The following ADCY8 variants were observed in gnomAD, a reference collection of about 807,000 sequenced individuals.
ADCY8 encodes adenylate cyclase 8.
In ADCY8, 51 loss-of-function variants were observed where a neutral mutation model predicts 119.7. That is an observed-to-expected ratio of 0.43 (90% CI 0.34 to 0.54). The LOEUF is 0.54. Among genes scored for constraint, ADCY8 ranks in the 20% least tolerant of loss-of-function variants. The pLI, the probability that ADCY8 is intolerant of heterozygous loss-of-function variation, is 0.03. For synonymous variants in ADCY8, 665 were observed against 651.0 expected (o/e 1.02, Z -0.33); for missense variants, 1,383 against 1,598.8 (o/e 0.87, Z 2.30).
At chr8:131,010,439 T>C (rs1382853169) in intron 1 of ADCY8, among the ~76,000 whole-genome samples, 1 of 152,180 alleles carries the variant, frequency 6.6e-6, no homozygotes, top group Non-Finnish European at 1.5e-5. Flanking sequence ...CAAAGTAACA[T>C]ATTATAATGC....
chr8:130,943,301 G>T, intron 4 of ADCY8, 50 bp downstream of exon 4: 1 of 1,286,456 alleles, frequency 7.8e-7, no homozygotes, highest in Non-Finnish European at 1.1e-6. Flanking sequence ...TATTCCATAT[G>T]CAGTCCCTCA....
At chr8:130,951,842 C>T (rs186756487) in intron 3 of ADCY8, 26 bp downstream of exon 3, 322 of 1,612,612 alleles carry the variant, frequency 2.0e-4, no homozygotes, top group Admixed American at 3.3e-4. Context: ...ATGCAAGAGC[C>T]GGGGCAAGGG....
chr8:130,988,139 A>T (rs1333542312), intron 2 of ADCY8, among the ~76,000 whole-genome samples: 1 of 152,226 alleles, frequency 6.6e-6, no homozygotes, highest in African/African-American at 2.4e-5. Flanking sequence ...AATCCAGGGC[A>T]ATCTCATTTG....
At chr8:130,813,093 G>A (rs372036507) in intron 14 of ADCY8, among the ~76,000 whole-genome samples, 2 of 151,868 alleles carry the variant, frequency 1.3e-5, no homozygotes, top group African/African-American at 2.4e-5. Flanking sequence ...GATTACAGGC[G>A]CCTGCCCCCA....
intron 12 of ADCY8, among the ~76,000 whole-genome samples, chr8:130,831,556 G>A (rs547599758): frequency 6.6e-6 from 1 of 152,186 alleles, no homozygotes; most frequent in Admixed American, 6.6e-5. Context: ...GGATATATGT[G>A]CAGAAGCTCA....
chr8:130,900,189 G>T (rs1819548896), intron 7 of ADCY8, among the ~76,000 whole-genome samples: 1 of 152,134 alleles, frequency 6.6e-6, no homozygotes, highest in Non-Finnish European at 1.5e-5. Flanking sequence ...GCAAAACTTG[G>T]ATACCAGAAT....
Position 130,819,357 on chromosome 8 carries a change from C to T in ADCY8, c.2754+1985G>A, listed in dbSNP as rs565856394. On this transcript the variant is annotated intron_variant, in intron 13 of 17. Transcript: ENST00000286355. The stretch of plus-strand genomic sequence containing the variant: ...GACCCTCACTGAATACTTACATACC[C>T]GTACTTTACCTATAATCTTAATGCA... 4.6e-5 allele frequency among the ~76,000 whole-genome samples: 7 copies of T among 152,272 alleles called. No homozygotes were observed. The East Asian group carries it at 5.8e-4, about 13-fold the overall frequency.
chr8:130,926,772 C>T (rs1342612213), intron 5 of ADCY8, among the ~76,000 whole-genome samples: 1 of 152,120 alleles, frequency 6.6e-6, no homozygotes, highest in East Asian at 1.9e-4. Flanking sequence ...CTGATAATCA[C>T]CACCTCTACT....
intron 10 of ADCY8, among the ~76,000 whole-genome samples, 198 bp from the exon 11 acceptor site, chr8:130,847,711 A>G (rs1817377412): frequency 6.6e-6 from 1 of 152,138 alleles, no homozygotes. Flanking sequence ...TTATTTAAAA[A>G]ACAAGTGCTT....
intron 5 of ADCY8, among the ~76,000 whole-genome samples, chr8:130,917,901 T>C (rs1487923849): frequency 6.6e-6 from 1 of 152,110 alleles, no homozygotes; most frequent in Admixed American, 6.6e-5. Context: ...CCCTCTGTCC[T>C]ACCTGCCTGG....
At chr8:130,831,670 C>T (rs1816838675) in intron 12 of ADCY8, among the ~76,000 whole-genome samples, 1 of 152,134 alleles carries the variant, frequency 6.6e-6, no homozygotes, top group African/African-American at 2.4e-5. Context: ...ATTTAAAAAT[C>T]CTAAGTAAAC....
At chr8:130,951,203 A>G (rs1331936610) in intron 3 of ADCY8, among the ~76,000 whole-genome samples, 1 of 152,240 alleles carries the variant, frequency 6.6e-6, no homozygotes, top group Non-Finnish European at 1.5e-5. Context: ...AAGAATTTTG[A>G]GATTCAGGTA....
At chr8:130,943,586 T>C in intron 3 of ADCY8, 124 bp from the exon 4 acceptor site, 1 of 636,144 alleles carries the variant, frequency 1.6e-6, no homozygotes, top group Non-Finnish European at 2.8e-6. Flanking sequence ...ATTTTAGCTC[T>C]TGCTGCCATG....
intron 8 of ADCY8, 59 bp downstream of exon 8, chr8:130,884,505 C>G: frequency 6.4e-7 from 1 of 1,571,598 alleles, no homozygotes; most frequent in East Asian, 2.2e-5. Flanking sequence ...CTCTCTAGTC[C>G]CATGAACATC....
At chr8:130,911,800 A>G (rs927424460) in intron 5 of ADCY8, among the ~76,000 whole-genome samples, 3 of 151,134 alleles carry the variant, frequency 2.0e-5, no homozygotes, top group Admixed American at 2.0e-4. Flanking sequence ...ATATAATTTT[A>G]TTAGATATGC....
intron 5 of ADCY8, among the ~76,000 whole-genome samples, chr8:130,913,851 G>A (rs1820051377): frequency 6.6e-6 from 1 of 152,112 alleles, no homozygotes. Flanking sequence ...ACAGACTTTA[G>A]TGCTAGACAG....
In ADCY8 at chr8:130,865,355, A is replaced by G. The variant is rs1028744329; in HGVS notation, c.2210+2491T>C. 5.1e-4 allele frequency among the ~76,000 whole-genome samples: 77 copies of G among 151,196 alleles called. 1 individual carries two copies. The highest frequency in any genetic ancestry group is 2.0e-4 in the Admixed American group (3 of 15,214). On this transcript the variant is annotated intron_variant, in intron 9 of 17. Coordinates refer to ENST00000286355, the MANE Select transcript of ADCY8 (RefSeq NM_001115.3). ...GAAATATATATATTTTAAAATTTTT[A>G]TTTATTTCTTGAGCTGTCTTTCCAA... is the stretch of plus-strand genomic sequence containing the variant.
intron 9 of ADCY8, among the ~76,000 whole-genome samples, chr8:130,852,156 G>A (rs1009902595): frequency 6.6e-6 from 1 of 152,142 alleles, no homozygotes; most frequent in South Asian, 2.1e-4. Flanking sequence ...AATTCACAAG[G>A]AAAGAGTAAC....
At chr8:130,802,143 G>A (rs1815800450) in intron 14 of ADCY8, among the ~76,000 whole-genome samples, 1 of 152,058 alleles carries the variant, frequency 6.6e-6, no homozygotes, top group Non-Finnish European at 1.5e-5. Flanking sequence ...CATAAACTGA[G>A]TGCATCTTCT....
Sources: gnomAD v4.1 joint callset for allele counts (sites outside exome capture counted in the v4.1 genomes callset) on GRCh38, gnomAD v4.1.1 for gene constraint, MANE v1.5 for transcripts, NCBI Gene and HGNC (gene_info 2026-07-23, HGNC 2026-07-21) for gene names.